NRXN3: variants seen among roughly 807,000 people sequenced by gnomAD.
NRXN3 encodes neurexin III.
Under a neutral mutation model 137.6 loss-of-function variants are expected in NRXN3, and 32 were observed. The observed-to-expected ratio is 0.23, with a 90% CI of 0.18 to 0.31. The LOEUF (loss-of-function observed/expected upper bound fraction) is 0.31, where lower values mean the gene tolerates loss of function less well. Among genes scored for constraint, NRXN3 ranks in the 10% least tolerant of loss-of-function variants. The pLI, the probability that NRXN3 is intolerant of heterozygous loss-of-function variation, is 1.00. For missense variants in NRXN3, 1,574 were observed against 2,062.5 expected (o/e 0.76, Z 4.59); for synonymous variants, 798 against 784.5 (o/e 1.02, Z -0.29).
chr14:78,983,241 C>T (rs1357803772), intron 14 of NRXN3, among the ~76,000 whole-genome samples: 2 of 152,152 alleles, frequency 1.3e-5, no homozygotes, highest in African/African-American at 2.4e-5. Context: ...AATGGAGGTT[C>T]CTCAGAAAAC....
intron 10 of NRXN3, among the ~76,000 whole-genome samples, chr14:78,814,757 C>T (rs923491423): frequency 2.0e-5 from 3 of 152,120 alleles, no homozygotes; most frequent in African/African-American, 7.2e-5. Context: ...CAGGTATGAA[C>T]TTCTCGTTGG....
rs763172785 is a variant in NRXN3, at chr14:79,640,938, T to G, written c.3445-22840T>G. 2.9e-5 allele frequency among the ~76,000 whole-genome samples: 4 copies of G among 136,006 alleles called. 1 individual carries two copies. The Admixed American group carries it at 3.1e-4, about 11-fold the overall frequency. The allele number at this position is 136,006 out of a possible 152,430, so 89.2% of individuals were successfully genotyped here. ...GGGCTTGAAGGTAAGTAGCCTCTAC[T>G]GGAGGCTAAGGGAAGCTAAACACTT... On this transcript the variant is annotated intron_variant, in intron 16 of 20. Coordinates refer to ENST00000335750, the MANE Select transcript of NRXN3 (RefSeq NM_001330195.2).
At chr14:78,656,242 T>C (rs1232715062) in intron 6 of NRXN3, among the ~76,000 whole-genome samples, 2 of 152,146 alleles carry the variant, frequency 1.3e-5, no homozygotes, top group Non-Finnish European at 2.9e-5. Context: ...ATGCAATAAA[T>C]AGCAGTTAAT....
intron 4 of NRXN3, among the ~76,000 whole-genome samples, chr14:78,516,104 A>G (rs1254003917): frequency 1.3e-5 from 2 of 152,036 alleles, no homozygotes; most frequent in African/African-American, 4.8e-5. Flanking sequence ...TTGCCATAAT[A>G]ATTAACATTG....
intron 19 of NRXN3, among the ~76,000 whole-genome samples, chr14:79,751,156 T>C (rs966592454): frequency 2.0e-4 from 30 of 152,270 alleles, no homozygotes; most frequent in Admixed American, 1.6e-3. Context: ...GTAAATTACC[T>C]TGGGCAGTGT....
rs1458350016 is a variant in NRXN3 at position 79,145,253 on chromosome 14, A to G, written c.3262+157112A>G. Reference sequence around the variant, plus strand: ...AGGTAAAGTATATAACTGAAATTTTACATCTTTTGATCTCTTTGCAAAATT... The same window carrying G: ...AGGTAAAGTATATAACTGAAATTTTGCATCTTTTGATCTCTTTGCAAAATT... On this transcript the variant is annotated intron_variant, in intron 15 of 20. Coordinates refer to ENST00000335750, the MANE Select transcript of NRXN3 (RefSeq NM_001330195.2). Among the ~76,000 whole-genome samples the G allele has an allele frequency of 6.6e-5, 10 of 152,308 alleles. No individual in the cohort carries two copies. The East Asian group carries it at 1.5e-3, about 24-fold the overall frequency.
chr14:79,508,748 C>G (rs1209836696), intron 16 of NRXN3, among the ~76,000 whole-genome samples: 2 of 152,012 alleles, frequency 1.3e-5, no homozygotes, highest in Non-Finnish European at 2.9e-5. Context: ...TCATTTTAGT[C>G]AAAGAGGATG....
intron 1 of NRXN3, among the ~76,000 whole-genome samples, chr14:78,178,415 A>G (rs1008545935): frequency 1.3e-5 from 2 of 152,264 alleles, no homozygotes; most frequent in Non-Finnish European, 2.9e-5. Flanking sequence ...GCATGGCACT[A>G]AGGAAACTCT....
At chr14:79,514,375 A>G (rs1601503132) in intron 16 of NRXN3, among the ~76,000 whole-genome samples, 1 of 152,132 alleles carries the variant, frequency 6.6e-6, no homozygotes, top group Admixed American at 6.5e-5. Flanking sequence ...TCACAGCAGC[A>G]AGCAGAATAA....
chr14:79,557,358 T>C (rs1196363141), intron 16 of NRXN3, among the ~76,000 whole-genome samples: 12 of 152,068 alleles, frequency 7.9e-5, no homozygotes, highest in African/African-American at 2.9e-4. Flanking sequence ...CATTGGTTCA[T>C]AGAACTCATT....
chr14:78,265,815 G>A (rs572650924), intron 2 of NRXN3, among the ~76,000 whole-genome samples: 2 of 152,162 alleles, frequency 1.3e-5, no homozygotes, highest in Non-Finnish European at 2.9e-5. Flanking sequence ...GTGCCTAAAA[G>A]TGTCCTGGAC....
intron 2 of NRXN3, among the ~76,000 whole-genome samples, chr14:78,258,605 T>A (rs539491389): frequency 6.6e-6 from 1 of 152,218 alleles, no homozygotes; most frequent in Admixed American, 6.5e-5. Context: ...AAGGAATCCA[T>A]AAGATAGACT....
At chr14:78,171,564 C>T (rs1336454719) in intron 1 of NRXN3, among the ~76,000 whole-genome samples, 2 of 151,828 alleles carry the variant, frequency 1.3e-5, no homozygotes, top group Admixed American at 6.6e-5. Flanking sequence ...CCCAGAGTTT[C>T]AGCTCTTTCC....
At chr14:78,254,801 G>T (rs549466565) in intron 2 of NRXN3, among the ~76,000 whole-genome samples, 38 of 152,088 alleles carry the variant, frequency 2.5e-4, no homozygotes, top group African/African-American at 8.4e-4. Flanking sequence ...CAGAAATAAA[G>T]ATTTCGCTAA....
chr14:78,525,990 A>C (rs1418141488), intron 4 of NRXN3, among the ~76,000 whole-genome samples: 1 of 152,180 alleles, frequency 6.6e-6, no homozygotes, highest in African/African-American at 2.4e-5. Context: ...GGGATTCATA[A>C]GAGCCTTGCT....
intron 19 of NRXN3, among the ~76,000 whole-genome samples, chr14:79,742,261 A>G (rs2098965622): frequency 6.6e-6 from 1 of 152,212 alleles, no homozygotes; most frequent in African/African-American, 2.4e-5. Context: ...AACAGAAAGC[A>G]TTGTAAATCT....
chr14:79,056,262 GTTCA>G lies in NRXN3; in HGVS notation c.3262+68124_3262+68127del, dbSNP rs550939522. Reference sequence around the variant, plus strand: ...AACAGAGAGATGATTTATTTTTTCTGTTCATTTACTGAGGGCATAGTAAGGACTA... The same window carrying G: ...AACAGAGAGATGATTTATTTTTTCTGTTTACTGAGGGCATAGTAAGGACTA... On this transcript the variant is annotated intron_variant, in intron 15 of 20. Transcript: ENST00000335750. Among the ~76,000 whole-genome samples, 858 of 152,226 alleles carry G rather than the reference GTTCA, an allele frequency of 5.6e-3. 5 individuals carry two copies. Among genetic ancestry groups the G allele is most frequent in the Non-Finnish European group, 9.4e-3 (639 of 67,998 alleles).
intron 15 of NRXN3, among the ~76,000 whole-genome samples, chr14:79,071,945 C>T (rs1357113062): frequency 6.6e-6 from 1 of 152,066 alleles, no homozygotes; most frequent in Admixed American, 6.6e-5. Context: ...ATATGTACAC[C>T]TACTATGTAC....
In NRXN3 at chr14:79,803,064, C is replaced by A. The variant is rs149608738; in HGVS notation, c.4015-2048C>A. 9.2e-3 allele frequency among the ~76,000 whole-genome samples: 1,406 copies of A among 152,074 alleles called. 18 individuals are homozygous for A. The highest frequency in any genetic ancestry group is 0.032 in the African/African-American group (1,328 of 41,490). ...TAATAAAATTAAAAAAATAAAAATT[C>A]TTTTTTTCTGCTAGCCTTGAGGAGC... On this transcript the variant is annotated intron_variant, in intron 19 of 20. Transcript: ENST00000335750.
Sources: gnomAD v4.1 joint callset for allele counts (sites outside exome capture counted in the v4.1 genomes callset) on GRCh38, gnomAD v4.1.1 for gene constraint, MANE v1.5 for transcripts, NCBI Gene and HGNC (gene_info 2026-07-23, HGNC 2026-07-21) for gene names.